The following B3GAT2 variants were observed in gnomAD, a reference collection of about 807,000 sequenced individuals.
B3GAT2 encodes the protein beta-1,3-glucuronyltransferase 2, also known as galactosylgalactosylxylosylprotein 3-beta-glucuronosyltransferase 2.
B3GAT2 carries 26 observed loss-of-function variants against 27.8 expected under a neutral mutation model. The observed-to-expected ratio is 0.93, with a 90% CI of 0.68 to 1.30. The LOEUF (loss-of-function observed/expected upper bound fraction) is 1.30. Ranked by LOEUF, B3GAT2 falls within the 50% of genes most tolerant of loss-of-function variation. B3GAT2 has a pLI of 0.00. For synonymous variants in B3GAT2, 218 were observed against 195.1 expected (o/e 1.12, Z -0.98); for missense variants, 458 against 459.0 (o/e 1.00, Z 0.02).
At chr6:70,883,536 AAGT>A (rs1772132515) in intron 2 of B3GAT2, among the ~76,000 whole-genome samples, 1 of 151,882 alleles carries the variant, frequency 6.6e-6, no homozygotes, top group Non-Finnish European at 1.5e-5. Context: ...TCGAGACAGA[AAGT>A]AGAATTGTGG....
rs992044668 is a variant in B3GAT2, at chr6:70,946,524, G to A, written c.591+9315C>T. On this transcript the variant is annotated intron_variant, in intron 1 of 3. Transcript: ENST00000230053. ...GGTAAAGGGATCAATTCAACAAGAA[G>A]AGCTAACTATCCTAAATATAAATGC... Among the ~76,000 whole-genome samples, 81 of 152,072 alleles carry A rather than the reference G, an allele frequency of 5.3e-4. 2 individuals are homozygous for A. The highest frequency in any genetic ancestry group is 1.2e-3 in the South Asian group (6 of 4,830).
intron 2 of B3GAT2, among the ~76,000 whole-genome samples, chr6:70,862,611 T>G (rs1420577229): frequency 2.0e-5 from 3 of 151,422 alleles, no homozygotes; most frequent in Admixed American, 6.6e-5. Context: ...TCTGATAAAG[T>G]TTTTTTTTGG....
At chr6:70,941,335 T>A (rs1765389278) in intron 1 of B3GAT2, among the ~76,000 whole-genome samples, 1 of 152,166 alleles carries the variant, frequency 6.6e-6, no homozygotes, top group African/African-American at 2.4e-5. Flanking sequence ...CTAATATTTA[T>A]TACTTGCCTA....
intron 2 of B3GAT2, among the ~76,000 whole-genome samples, chr6:70,882,358 G>C: frequency 6.6e-6 from 1 of 152,138 alleles, no homozygotes; most frequent in South Asian, 2.1e-4. Context: ...AAAATTAGCT[G>C]GGCATGGTGG....
chr6:70,946,278 G>A (rs939751236), intron 1 of B3GAT2, among the ~76,000 whole-genome samples: 2 of 151,472 alleles, frequency 1.3e-5, no homozygotes, highest in African/African-American at 2.4e-5. Flanking sequence ...ACAGACTGAT[G>A]GGTCTTGACT....
chr6:70,946,999 T>C (rs1341522767), intron 1 of B3GAT2, among the ~76,000 whole-genome samples: 3 of 151,592 alleles, frequency 2.0e-5, no homozygotes, highest in African/African-American at 7.3e-5. Context: ...CATAACGAAA[T>C]GAAGGCAGAA....
Position 70,858,400 on chromosome 6 carries a change from C to CAGAT in B3GAT2, c.*3259_*3262dup. ...ATCTATAAATATTATGAAGTTGTAT[C>CAGAT]AGATAGACAAATGATGTGTTATTAT... On this transcript the variant is annotated 3_prime_UTR_variant, in exon 4 of 4. Transcript: ENST00000230053. The CAGAT allele has an allele frequency of 1.8e-6, 1 of 558,710 alleles. No individual in the cohort carries two copies. The highest frequency in any genetic ancestry group is 2.9e-6 in the Non-Finnish European group (1 of 347,900). The allele number at this position is 558,710 out of a possible 1,614,324, so 34.6% of individuals were successfully genotyped here.
At chr6:70,906,941 A>C (rs1582372163) in intron 1 of B3GAT2, among the ~76,000 whole-genome samples, 2 of 152,202 alleles carry the variant, frequency 1.3e-5, no homozygotes, top group African/African-American at 4.8e-5. Context: ...ACAGCATTAC[A>C]ATAGCAAAAG....
intron 2 of B3GAT2, among the ~76,000 whole-genome samples, chr6:70,890,262 C>T (rs1156380283): frequency 1.3e-5 from 2 of 151,974 alleles, no homozygotes; most frequent in African/African-American, 4.8e-5. Flanking sequence ...TTCCCTGGCT[C>T]CCCCCCTGCA....
rs566006845 is a variant in B3GAT2 at position 70,860,492 on chromosome 6, A to G, written c.*1171T>C. The G allele has an allele frequency of 1.9e-5, 14 of 725,864 alleles. No homozygotes were observed. The highest frequency in any genetic ancestry group is 3.8e-4 in the Middle Eastern group (1 of 2,634). The allele number at this position is 725,864 out of a possible 1,614,324, so 45.0% of individuals were successfully genotyped here. On this transcript the variant is annotated 3_prime_UTR_variant, in exon 4 of 4. Coordinates refer to ENST00000230053, the MANE Select transcript of B3GAT2 (RefSeq NM_080742.3). ...GACCGTGTTGGTCTGTACTGATTCA[A>G]TTTGATGTGGTGAAAAGCAGGTTGA...
intron 1 of B3GAT2, among the ~76,000 whole-genome samples, chr6:70,919,145 T>C (rs1014777410): frequency 6.6e-6 from 1 of 152,256 alleles, no homozygotes; most frequent in Admixed American, 6.5e-5. Flanking sequence ...TTCATTAATT[T>C]GATCTTCAAT....
intron 2 of B3GAT2, among the ~76,000 whole-genome samples, chr6:70,869,349 T>G (rs1045529605): frequency 6.6e-6 from 1 of 152,176 alleles, no homozygotes; most frequent in African/African-American, 2.4e-5. Flanking sequence ...GTTTTCAAAT[T>G]GGGAAGTATA....
chr6:70,860,447 A>T lies in B3GAT2; in HGVS notation c.*1216T>A. 8.0e-7 allele frequency: 1 copy of T among 1,256,924 alleles called. No homozygotes were observed. Among genetic ancestry groups the T allele is most frequent in the Non-Finnish European group, 1.1e-6 (1 of 922,036 alleles). The allele number at this position is 1,256,924 out of a possible 1,614,324, so 77.9% of individuals were successfully genotyped here. On this transcript the variant is annotated 3_prime_UTR_variant, in exon 4 of 4. Transcript: ENST00000230053. ...TTTTTTTCTTTTTACCCATTTGTTC[A>T]TATTAAGAATGATCTGATTGACCGT...
chr6:70,877,923 C>T (rs1226572882), intron 2 of B3GAT2, among the ~76,000 whole-genome samples: 1 of 152,184 alleles, frequency 6.6e-6, no homozygotes, highest in African/African-American at 2.4e-5. Flanking sequence ...AGGATCAAAC[C>T]ATCCATGCTT....
chr6:70,858,116 C>A lies in B3GAT2; in HGVS notation c.*3547G>T. 6.2e-7 allele frequency: 1 copy of A among 1,614,004 alleles called. No individual in the cohort carries two copies. Among genetic ancestry groups the A allele is most frequent in the African/African-American group, 1.3e-5 (1 of 75,004 alleles). ...GGGAAATGCACAAACTGGTGTGATG[C>A]CACTTCCTCAGAACGTTGTTGGCCC... On this transcript the variant is annotated 3_prime_UTR_variant, in exon 4 of 4. Transcript: ENST00000230053.
intron 1 of B3GAT2, among the ~76,000 whole-genome samples, chr6:70,935,535 G>C (rs1765256484): frequency 6.6e-6 from 1 of 151,720 alleles, no homozygotes; most frequent in Non-Finnish European, 1.5e-5. Context: ...AATGGTGGTG[G>C]GTATCAAACT....
chr6:70,876,843 T>C (rs537440227), intron 2 of B3GAT2, among the ~76,000 whole-genome samples: 51 of 152,294 alleles, frequency 3.3e-4, no homozygotes, highest in Non-Finnish European at 6.6e-4. Context: ...CCACAGATGC[T>C]ATAAAAGGTG....
In B3GAT2 at chr6:70,955,857, A is replaced by ACT. The variant is rs1765645634; in HGVS notation, c.571_572dup (p.Ser191ArgfsTer60). On this transcript the variant is annotated frameshift_variant, in exon 1 of 4. Coordinates refer to ENST00000230053, the MANE Select transcript of B3GAT2 (RefSeq NM_080742.3). LOFTEE classifies it high-confidence loss of function. ...CCTTTACCTCCTGGAAGAGCTCCAG[A>ACT]CTATAGGTGTTGTCGTCGTCAGCGA... 6.2e-7 allele frequency: 1 copy of ACT among 1,600,192 alleles called. No individual in the cohort carries two copies. The highest frequency in any genetic ancestry group is 1.7e-5 in the Admixed American group (1 of 59,168).
intron 2 of B3GAT2, 100 bp from the exon 3 acceptor site, chr6:70,862,078 C>T (rs948536471): frequency 7.3e-6 from 8 of 1,091,452 alleles, no homozygotes; most frequent in South Asian, 5.1e-5. Context: ...TTTTAAAATA[C>T]CTACTGTGTG....
Sources: gnomAD v4.1 joint callset for allele counts (sites outside exome capture counted in the v4.1 genomes callset) on GRCh38, gnomAD v4.1.1 for gene constraint, MANE v1.5 for transcripts, NCBI Gene and HGNC (gene_info 2026-07-23, HGNC 2026-07-21) for gene names.